PRKN: variants seen among roughly 807,000 people sequenced by gnomAD.
The protein encoded by PRKN is E3 ubiquitin-protein ligase parkin.
In PRKN, 56 loss-of-function variants were observed where a neutral mutation model predicts 59.5. The ratio of observed to expected loss-of-function variants is 0.94; its 90% CI spans 0.76 to 1.18. PRKN has a LOEUF of 1.18. Ranked by LOEUF, PRKN falls within the 50% of genes most tolerant of loss-of-function variation. The probability of loss-of-function intolerance (pLI) is 0.00; values close to 1 mark genes in which losing one functional copy is unlikely to be tolerated. For synonymous variants in PRKN, 250 were observed against 222.1 expected (o/e 1.13, Z -1.12); for missense variants, 657 against 596.4 (o/e 1.10, Z -1.06).
rs1294172868 is a variant in PRKN at position 161,399,087 on chromosome 6, G to A, written c.1084-12210C>T. ...AGAAGAGAAGGAATATCTGAATGTC[G>A]AGAGGAGTTCTGCTGCAGACAGTTA... On this transcript the variant is annotated intron_variant, in intron 9 of 11. Coordinates refer to ENST00000366898, the MANE Select transcript of PRKN (RefSeq NM_004562.3). The surrounding 1 kb of genome is among the most constrained non-coding windows in gnomAD (Gnocchi z 4.4). Among the ~76,000 whole-genome samples, 1 of 152,148 alleles carries A rather than the reference G, an allele frequency of 6.6e-6. No homozygotes were observed. The highest frequency in any genetic ancestry group is 1.5e-5 in the Non-Finnish European group (1 of 68,042).
At chr6:161,422,205 T>TG in intron 9 of PRKN, among the ~76,000 whole-genome samples, 1 of 150,126 alleles carries the variant, frequency 6.7e-6, no homozygotes, top group East Asian at 1.9e-4. Flanking sequence ...ATCTTTTTTT[T>TG]TTTTTTTTTT....
chr6:162,286,714 G>C (rs575333481), intron 2 of PRKN, among the ~76,000 whole-genome samples: 127 of 152,310 alleles, frequency 8.3e-4, no homozygotes, highest in South Asian at 1.5e-3. Context: ...CTAGCAGTGA[G>C]GGTTGTTTTC....
At chr6:162,086,836 AC>A (rs1469437390) in intron 4 of PRKN, among the ~76,000 whole-genome samples, 1 of 152,158 alleles carries the variant, frequency 6.6e-6, no homozygotes, top group African/African-American at 2.4e-5. Context: ...GAGAGAACAG[AC>A]CTTTTTTGTC....
chr6:162,187,979 G>T (rs1357106145), intron 4 of PRKN, among the ~76,000 whole-genome samples: 1 of 152,142 alleles, frequency 6.6e-6, no homozygotes, highest in African/African-American at 2.4e-5. Flanking sequence ...AGTGAGAGGT[G>T]CTTGAACTAT....
At chr6:161,862,399 G>A (rs972482883) in intron 6 of PRKN, among the ~76,000 whole-genome samples, 3 of 152,190 alleles carry the variant, frequency 2.0e-5, no homozygotes, top group Non-Finnish European at 4.4e-5. Context: ...GGTGGTGAAA[G>A]CAGTTTTCCT....
At chr6:162,591,796 A>G (rs1198863719) in intron 1 of PRKN, among the ~76,000 whole-genome samples, 1 of 151,688 alleles carries the variant, frequency 6.6e-6, no homozygotes, top group Non-Finnish European at 1.5e-5. Flanking sequence ...TAAGTAAGTA[A>G]TAATAATCCT....
chr6:162,688,443 A>G (rs1246734902), intron 1 of PRKN, among the ~76,000 whole-genome samples: 1 of 152,230 alleles, frequency 6.6e-6, no homozygotes, highest in African/African-American at 2.4e-5. Context: ...TGTGTGATAT[A>G]CTGCAATAAA....
intron 7 of PRKN, among the ~76,000 whole-genome samples, chr6:161,606,814 G>C (rs375642793): frequency 2.0e-5 from 3 of 152,196 alleles, no homozygotes; most frequent in Admixed American, 1.3e-4. Flanking sequence ...ATCTCATACA[G>C]TGAGCAGTAA....
chr6:161,810,835 T>C (rs1303556872), intron 6 of PRKN, among the ~76,000 whole-genome samples: 3 of 152,180 alleles, frequency 2.0e-5, no homozygotes, highest in African/African-American at 7.2e-5. Context: ...ATGTATGCTA[T>C]AGCAGAGACA....
intron 4 of PRKN, among the ~76,000 whole-genome samples, chr6:162,110,721 G>T (rs970067723): frequency 1.3e-5 from 2 of 152,166 alleles, no homozygotes; most frequent in East Asian, 3.9e-4. Context: ...TTTTGAGTAT[G>T]AAACTCACAA....
At chr6:162,490,464 A>C (rs1352382208) in intron 1 of PRKN, among the ~76,000 whole-genome samples, 1 of 152,200 alleles carries the variant, frequency 6.6e-6, no homozygotes, top group Non-Finnish European at 1.5e-5. Context: ...AAAAAATAAC[A>C]CTCACTAATA....
chr6:162,114,820 G>T (rs1780596486), intron 4 of PRKN, among the ~76,000 whole-genome samples: 1 of 152,022 alleles, frequency 6.6e-6, no homozygotes, highest in Non-Finnish European at 1.5e-5. Flanking sequence ...AGTTAGAACG[G>T]CAATCATTAA....
intron 9 of PRKN, among the ~76,000 whole-genome samples, chr6:161,500,256 G>A (rs1192402442): frequency 6.6e-6 from 1 of 151,958 alleles, no homozygotes; most frequent in Non-Finnish European, 1.5e-5. Context: ...CCCACTATCA[G>A]TGTTCCCCAC....
chr6:161,806,108 C>T (rs1164828115), intron 6 of PRKN, among the ~76,000 whole-genome samples: 1 of 152,074 alleles, frequency 6.6e-6, no homozygotes, highest in Non-Finnish European at 1.5e-5. Flanking sequence ...ATTTTCTGTC[C>T]ACTTCAAAAT....
intron 9 of PRKN, among the ~76,000 whole-genome samples, chr6:161,452,128 A>G (rs1789766944): frequency 6.6e-6 from 1 of 151,534 alleles, no homozygotes; most frequent in African/African-American, 2.4e-5. Context: ...TAATTTTTGT[A>G]TTTTTAGTAG....
intron 4 of PRKN, among the ~76,000 whole-genome samples, chr6:162,148,231 T>A (rs1030885705): frequency 2.0e-5 from 3 of 152,206 alleles, no homozygotes; most frequent in Non-Finnish European, 4.4e-5. Context: ...TCTCCCTTTG[T>A]TAGTTTTGGT....
chr6:161,768,695 G>A (rs1408249227), intron 7 of PRKN, among the ~76,000 whole-genome samples: 3 of 152,082 alleles, frequency 2.0e-5, no homozygotes, highest in Admixed American at 6.6e-5. Flanking sequence ...TTAGAATACC[G>A]TGACCCCAAT....
rs1469164028 is a variant in PRKN at position 161,357,272 on chromosome 6, G to C, written c.1285+2816C>G. Among the ~76,000 whole-genome samples, 2 of 152,076 alleles carry C rather than the reference G, an allele frequency of 1.3e-5. No individual in the cohort carries two copies. Among genetic ancestry groups the C allele is most frequent in the Non-Finnish European group, 2.9e-5 (2 of 68,010 alleles). ...TCGCCATGTTGGCCAGGCTGGTCTC[G>C]AACTCCTGACCTCAGGTGATCCGCC... On this transcript the variant is annotated intron_variant, in intron 11 of 11. Transcript: ENST00000366898. The surrounding 1 kb of genome is among the most constrained non-coding windows in gnomAD (Gnocchi z 5.5).
rs1478054535 is a variant in PRKN, at chr6:161,362,609, C to T, written c.1168-2404G>A. ...TTGGAAAACATTTTTCTGAACATTC[C>T]TAACCATCAGGCCTCGGACACGAGG... On this transcript the variant is annotated intron_variant, in intron 10 of 11. Coordinates refer to ENST00000366898, the MANE Select transcript of PRKN (RefSeq NM_004562.3). This position sits in a 1 kb window ranked among gnomAD's most constrained non-coding sequence, Gnocchi z 5.2. 1.3e-5 allele frequency among the ~76,000 whole-genome samples: 2 copies of T among 152,208 alleles called. No individual in the cohort carries two copies. The highest frequency in any genetic ancestry group is 4.8e-5 in the African/African-American group (2 of 41,450).
Sources: allele counts gnomAD v4.1 joint callset (sites outside exome capture counted in the v4.1 genomes callset), GRCh38; gene constraint gnomAD v4.1.1; non-coding constraint Gnocchi (gnomAD v3.1); transcripts MANE v1.5; gene names NCBI Gene and HGNC (gene_info 2026-07-23, HGNC 2026-07-21).